The following PPCDC variants were observed in gnomAD, a reference collection of about 807,000 sequenced individuals.
PPCDC encodes the protein phosphopantothenoylcysteine decarboxylase.
Under a neutral mutation model 20.7 loss-of-function variants are expected in PPCDC, and 20 were observed. The ratio of observed to expected loss-of-function variants is 0.97; its 90% CI spans 0.68 to 1.41. The LOEUF (loss-of-function observed/expected upper bound fraction) is 1.41. Among genes scored for constraint, PPCDC ranks in the 40% most tolerant of loss-of-function variants. The pLI is 0.00. For missense variants in PPCDC, 246 were observed against 263.8 expected, an observed-to-expected ratio of 0.93 and a Z score of 0.47; for synonymous variants, 88 against 100.3, an observed-to-expected ratio of 0.88 and a Z score of 0.73.
chr15:75,032,844 A>G (rs1429075191), intron 2 of PPCDC, among the ~76,000 whole-genome samples: 1 of 151,160 alleles, frequency 6.6e-6, no homozygotes, highest in African/African-American at 2.4e-5. Flanking sequence ...TCTGTTGCTC[A>G]GGCTGGAGTG....
intron 1 of PPCDC, 190 bp from the exon 2 acceptor site, chr15:75,028,057 A>T (rs559878518): frequency 2.1e-6 from 1 of 486,360 alleles, no homozygotes; most frequent in East Asian, 3.9e-5. Flanking sequence ...ACAGCACTGC[A>T]TCATTCCCTT....
At chr15:75,028,511 G>C (rs571675337) in intron 2 of PPCDC, 58 bp downstream of exon 2, 1,224 of 1,603,410 alleles carry the variant, frequency 7.6e-4, no homozygotes, top group Non-Finnish European at 9.9e-4. Context: ...CGGTGCTCCC[G>C]GGGATGGCCC....
At chr15:75,040,383 T>A (rs2066138092) in intron 2 of PPCDC, among the ~76,000 whole-genome samples, 2 of 152,130 alleles carry the variant, frequency 1.3e-5, no homozygotes, top group Non-Finnish European at 2.9e-5. Context: ...TAGATCGTTT[T>A]AAAAAAAATT....
chr15:75,048,357 C>T (rs1368329156), intron 4 of PPCDC, among the ~76,000 whole-genome samples, 196 bp from the exon 5 acceptor site: 4 of 152,194 alleles, frequency 2.6e-5, no homozygotes, highest in African/African-American at 7.2e-5. Context: ...GGATCCTGTG[C>T]CAGAGCCTGT....
At chr15:75,028,576 T>G in intron 2 of PPCDC, 123 bp downstream of exon 2, 3 of 1,377,178 alleles carry the variant, frequency 2.2e-6, no homozygotes, top group Non-Finnish European at 2.0e-6. Flanking sequence ...ATCATGCTTG[T>G]GGAGGTCCTG....
rs919623481 is a variant in PPCDC at position 75,032,674 on chromosome 15, A to G, written c.135+4221A>G. ...GGCTCTCTCTGTGCTGAAGGGAGCA[A>G]TCATCAAGATGGAAGCGGAATAAGC... On this transcript the variant is annotated intron_variant, in intron 2 of 5. Transcript: ENST00000342932. Among the ~76,000 whole-genome samples the G allele has an allele frequency of 5.3e-5, 8 of 150,980 alleles. No individual in the cohort carries two copies. The South Asian group carries it at 8.4e-4, about 16-fold the overall frequency.
intron 2 of PPCDC, among the ~76,000 whole-genome samples, chr15:75,034,713 C>T (rs531846336): frequency 2.6e-5 from 4 of 152,316 alleles, no homozygotes; most frequent in South Asian, 2.1e-4. Context: ...CTCTGCTGTG[C>T]GTCCTGGCCC....
chr15:75,031,833 A>G (rs555325419), intron 2 of PPCDC, among the ~76,000 whole-genome samples: 19 of 152,196 alleles, frequency 1.2e-4, no homozygotes, highest in African/African-American at 4.6e-4. Flanking sequence ...TAGCAGCCTG[A>G]GCTACAGAAG....
intron 1 of PPCDC, among the ~76,000 whole-genome samples, chr15:75,024,497 A>G (rs2065939170): frequency 6.6e-6 from 1 of 151,474 alleles, no homozygotes; most frequent in Non-Finnish European, 1.5e-5. Flanking sequence ...ACAGGCATAA[A>G]CAACCATACC....
At position 75,049,433 on chromosome 15, in the gene PPCDC, G is replaced by A; in HGVS notation, c.*198G>A. 6.7e-6 allele frequency: 4 copies of A among 595,770 alleles called. No individual in the cohort carries two copies. The South Asian group carries it at 8.1e-5, about 12-fold the overall frequency. The allele number at this position is 595,770 out of a possible 1,614,324, so 36.9% of individuals were successfully genotyped here. Reference sequence around the variant, plus strand: ...GTCTCAGTTTCTTTCAACCAGGAGAGGCCGCTGCCTAGAGCCCCTCCCCAC... The same window carrying A: ...GTCTCAGTTTCTTTCAACCAGGAGAAGCCGCTGCCTAGAGCCCCTCCCCAC... On this transcript the variant is annotated 3_prime_UTR_variant, in exon 6 of 6. Transcript: ENST00000342932.
At chr15:75,034,764 C>T (rs1166270688) in intron 2 of PPCDC, among the ~76,000 whole-genome samples, 1 of 152,172 alleles carries the variant, frequency 6.6e-6, no homozygotes, top group African/African-American at 2.4e-5. Flanking sequence ...CTTGTCTTGT[C>T]ACAGATTAAG....
At position 75,043,359 on chromosome 15, in the gene PPCDC, G is replaced by C; in HGVS notation, c.136-82G>C. 3 of 1,238,698 alleles carry C rather than the reference G, an allele frequency of 2.4e-6. No homozygotes were observed. In the South Asian group the frequency reaches 4.1e-5, roughly 17 times the overall value. 76.7% of individuals were successfully genotyped at this position (1,238,698 alleles called of 1,614,324 possible). On this transcript the variant is annotated intron_variant, in intron 2 of 5. Transcript: ENST00000342932. ...TGTGAAGACAGCACCTGCCTGCCCT[G>C]ACCCTCCTGTGGCCTCCAGGCCTGT...
intron 2 of PPCDC, among the ~76,000 whole-genome samples, chr15:75,041,229 G>A (rs117265510): frequency 0.011 from 1,652 of 152,254 alleles, 14 homozygotes; most frequent in South Asian, 0.026. Flanking sequence ...ACTGGGTTCC[G>A]GGGAGGGATA....
intron 4 of PPCDC, 99 bp downstream of exon 4, chr15:75,044,613 C>A: frequency 6.8e-7 from 1 of 1,468,844 alleles, no homozygotes; most frequent in South Asian, 1.3e-5. Flanking sequence ...GCTGTGGGGC[C>A]CCGGTCTGCC....
At chr15:75,034,128 AACCAGGC>A (rs1218134206) in intron 2 of PPCDC, among the ~76,000 whole-genome samples, 1 of 152,136 alleles carries the variant, frequency 6.6e-6, no homozygotes, top group African/African-American at 2.4e-5. Flanking sequence ...CATAAGGGGA[AACCAGGC>A]ACAGAGGAAG....
intron 2 of PPCDC, among the ~76,000 whole-genome samples, chr15:75,037,680 G>A (rs2066102211): frequency 6.6e-6 from 1 of 152,220 alleles, no homozygotes; most frequent in Non-Finnish European, 1.5e-5. Context: ...CTGGGAGGTT[G>A]CAGTGAGCCG....
At chr15:75,045,361 A>AG (rs1027172713) in intron 4 of PPCDC, among the ~76,000 whole-genome samples, 1 of 152,192 alleles carries the variant, frequency 6.6e-6, no homozygotes, top group Non-Finnish European at 1.5e-5. Context: ...TCCTCTGGTG[A>AG]GGGGTACAGT....
At chr15:75,031,974 A>G (rs905254722) in intron 2 of PPCDC, among the ~76,000 whole-genome samples, 4 of 152,230 alleles carry the variant, frequency 2.6e-5, no homozygotes, top group South Asian at 2.1e-4. Context: ...CAGATTGTCA[A>G]TAAGTCAGTC....
rs142023139 is a variant in PPCDC at position 75,049,129 on chromosome 15, A to G, written c.530-21A>G. The G allele has an allele frequency of 3.2e-5, 51 of 1,610,292 alleles. No homozygotes were observed. The East Asian group carries it at 1.1e-3, about 35-fold the overall frequency. On this transcript the variant is annotated intron_variant, in intron 5 of 5. Coordinates refer to ENST00000342932, the MANE Select transcript of PPCDC (RefSeq NM_021823.5). Reference sequence around the variant, plus strand: ...ACAGGCACTGTTGGCCTGTCTGGCCACAGCGGAATTTTGCTCCCAGGTCTC... The same window carrying G: ...ACAGGCACTGTTGGCCTGTCTGGCCGCAGCGGAATTTTGCTCCCAGGTCTC...
Sources: allele counts gnomAD v4.1 joint callset (sites outside exome capture counted in the v4.1 genomes callset), GRCh38; gene constraint gnomAD v4.1.1; transcripts MANE v1.5; gene names NCBI Gene and HGNC (gene_info 2026-07-23, HGNC 2026-07-21).